Variants in ANKRD61 observed in about 807,000 individuals in gnomAD.
ANKRD61 encodes the protein ankyrin repeat domain-containing protein 61.
In ANKRD61, 7 loss-of-function variants were observed where a neutral mutation model predicts 8.4. The ratio of observed to expected loss-of-function variants is 0.84; its 90% CI spans 0.48 to 1.57. The LOEUF (loss-of-function observed/expected upper bound fraction) is 1.57, where lower values mean the gene tolerates loss of function less well. Among genes scored for constraint, ANKRD61 ranks in the 40% most tolerant of loss-of-function variants. ANKRD61 has a pLI of 0.00. For synonymous variants in ANKRD61, 198 were observed against 208.0 expected (o/e 0.95, Z 0.41); for missense variants, 516 against 523.4 (o/e 0.99, Z 0.14).
chr7:6,032,590 T>C lies in ANKRD61; in HGVS notation c.217-249T>C, dbSNP rs1017332729. Among the ~76,000 whole-genome samples the C allele has an allele frequency of 3.3e-5, 5 of 152,238 alleles. No homozygotes were observed. The highest frequency in any genetic ancestry group is 4.4e-5 in the Non-Finnish European group (3 of 68,046). ...CAACTTTCAAAAATTTCCAAAGCTT[T>C]TGAGTGTTATTTCTGTTGCCTCAGT... On this transcript the variant is annotated intron_variant, in intron 1 of 2. Coordinates refer to ENST00000409061, the MANE Select transcript of ANKRD61 (RefSeq NM_001271700.2). The surrounding 1 kb of genome is among the most constrained non-coding windows in gnomAD (Gnocchi z 4.3).
rs1788093540 is a variant in ANKRD61, at chr7:6,036,341, A to G, written c.1212A>G (p.Ile404Met). 1 of 1,534,458 alleles carries G rather than the reference A, an allele frequency of 6.5e-7. No individual in the cohort carries two copies. The highest frequency in any genetic ancestry group is 8.8e-7 in the Non-Finnish European group (1 of 1,141,316). The part of the protein sequence containing the change: ...QHLKQFLPVT[I>M]WNSVYCCYDL... ...TGAAGCAATTCCTCCCAGTGACAATATGGAATTCTGTCTACTGCTGTTATG... is the reference window on the plus strand; with the variant it reads ...TGAAGCAATTCCTCCCAGTGACAATGTGGAATTCTGTCTACTGCTGTTATG... The change falls in exon 3 of 3, where the codon ATA becomes ATG. Residue 404 changes from isoleucine (I) to methionine (M), a missense_variant. By Grantham distance (10) the Ile-to-Met change is conservative (BLOSUM62 1). Coordinates refer to ENST00000409061, the MANE Select transcript of ANKRD61 (RefSeq NM_001271700.2). This position sits in a 1 kb window ranked among gnomAD's most constrained non-coding sequence, Gnocchi z 4.6.
chr7:6,031,634 C>T, intron 1 of ANKRD61, 43 bp downstream of exon 1: 1 of 1,540,028 alleles, frequency 6.5e-7, no homozygotes, highest in Non-Finnish European at 8.8e-7. Context: ...AAAAGTCAGG[C>T]TGCTTAGAAA....
At position 6,032,796 on chromosome 7, in the gene ANKRD61, C is replaced by T. The variant is rs1787954182; in HGVS notation, c.217-43C>T. 1.4e-6 allele frequency: 2 copies of T among 1,478,690 alleles called. No homozygotes were observed. Among genetic ancestry groups the T allele is most frequent in the African/African-American group, 1.4e-5 (1 of 71,174 alleles). The allele number at this position is 1,478,690 out of a possible 1,614,324, so 91.6% of individuals were successfully genotyped here. A position where few individuals can be genotyped will look rare whatever the true frequency, so the allele number is the denominator to read the frequency against. On this transcript the variant is annotated intron_variant, in intron 1 of 2. Transcript: ENST00000409061. The surrounding 1 kb of genome is among the most constrained non-coding windows in gnomAD (Gnocchi z 4.3). ...AAGCTAACACAAACAGTATTTTTAA[C>T]TACACAGGGCCACTTGTAATGTGTT...
chr7:6,035,767 A>G lies in ANKRD61; in HGVS notation c.638A>G (p.Asn213Ser). 6.4e-7 allele frequency: 1 copy of G among 1,551,180 alleles called. No individual in the cohort carries two copies. The highest frequency in any genetic ancestry group is 8.7e-7 in the Non-Finnish European group (1 of 1,147,132). Reference sequence around the variant, plus strand: ...CTTCACATGGCCGCAAACATGCTGAATAAGGAGATGATGGAAACGCTCATT... The same window carrying G: ...CTTCACATGGCCGCAAACATGCTGAGTAAGGAGATGATGGAAACGCTCATT... Reference protein sequence around the residue: ...TPLHMAANMLNKEMMETLIAY... With the variant: ...TPLHMAANMLSKEMMETLIAY... Residue 213 changes from asparagine (N) to serine (S), a missense_variant, in exon 3 of 3, where the codon AAT becomes AGT. Physicochemically the swap from Asn to Ser is conservative, Grantham distance 46 (BLOSUM62 1). Coordinates refer to ENST00000409061, the MANE Select transcript of ANKRD61 (RefSeq NM_001271700.2). The surrounding 1 kb of genome is among the most constrained non-coding windows in gnomAD (Gnocchi z 5.5).
At position 6,033,906 on chromosome 7, in the gene ANKRD61, G is replaced by C. The variant is rs1787987921; in HGVS notation, c.314+970G>C. Among the ~76,000 whole-genome samples, 1 of 152,092 alleles carries C rather than the reference G, an allele frequency of 6.6e-6. No individual in the cohort carries two copies. The highest frequency in any genetic ancestry group is 2.4e-5 in the African/African-American group (1 of 41,420). ...TCTTGTTTATTACTCTCCACTAGAA[G>C]GTAAGCCGCATGAAAGAGAAGTTGA... On this transcript the variant is annotated intron_variant, in intron 2 of 2. Transcript: ENST00000409061. This position sits in a 1 kb window ranked among gnomAD's most constrained non-coding sequence, Gnocchi z 4.4.
chr7:6,035,909 C>T lies in ANKRD61; in HGVS notation c.780C>T (p.Cys260=). Residue 260 remains cysteine (C), a synonymous_variant, in exon 3 of 3, where the codon TGC becomes TGT. Coordinates refer to ENST00000409061, the MANE Select transcript of ANKRD61 (RefSeq NM_001271700.2). This position sits in a 1 kb window ranked among gnomAD's most constrained non-coding sequence, Gnocchi z 5.5. ...AGRLLGAGVS[C]IRLLLTHGAK... is the part of the protein sequence containing the mutation. Reference sequence around the variant, plus strand: ...GACTCCTCGGGGCGGGGGTCAGCTGCATCCGTCTGCTACTCACTCACGGAG... The same window carrying T: ...GACTCCTCGGGGCGGGGGTCAGCTGTATCCGTCTGCTACTCACTCACGGAG... The T allele has an allele frequency of 6.5e-7, 1 of 1,546,704 alleles. No individual in the cohort carries two copies. The highest frequency in any genetic ancestry group is 8.7e-7 in the Non-Finnish European group (1 of 1,144,526).
intron 1 of ANKRD61, 27 bp downstream of exon 1, chr7:6,031,618 C>A: frequency 6.5e-7 from 1 of 1,548,528 alleles, no homozygotes. Context: ...TCAGTCACTT[C>A]TGGAAAAAAG....
Position 6,032,349 on chromosome 7 carries a change from T to C in ANKRD61, c.217-490T>C, listed in dbSNP as rs1787938419. ...TGTGAAACCACTACTTACACGTGTG[T>C]ATTTTAAGAGCTGGCACAAACAGCT... On this transcript the variant is annotated intron_variant, in intron 1 of 2. Coordinates refer to ENST00000409061, the MANE Select transcript of ANKRD61 (RefSeq NM_001271700.2). The surrounding 1 kb of genome is among the most constrained non-coding windows in gnomAD (Gnocchi z 4.3). Among the ~76,000 whole-genome samples the C allele has an allele frequency of 6.6e-6, 1 of 152,234 alleles. No homozygotes were observed. The highest frequency in any genetic ancestry group is 6.5e-5 in the Admixed American group (1 of 15,284).
Position 6,033,328 on chromosome 7 carries a change from T to C in ANKRD61, c.314+392T>C, listed in dbSNP as rs561283568. 3.9e-5 allele frequency among the ~76,000 whole-genome samples: 6 copies of C among 152,206 alleles called. No homozygotes were observed. Among genetic ancestry groups the C allele is most frequent in the Non-Finnish European group, 8.8e-5 (6 of 68,040 alleles). ...TGATATAGATTTTTTTTTCAGTTCATACATTTTTTCCACTTATGTTTGGAC... is the reference window on the plus strand; with the variant it reads ...TGATATAGATTTTTTTTTCAGTTCACACATTTTTTCCACTTATGTTTGGAC... On this transcript the variant is annotated intron_variant, in intron 2 of 2. Transcript: ENST00000409061. This position sits in a 1 kb window ranked among gnomAD's most constrained non-coding sequence, Gnocchi z 4.4.
At position 6,031,577 on chromosome 7, in the gene ANKRD61, T is replaced by G. The variant is rs775394724; in HGVS notation, c.202T>G (p.Leu68Val). Reference sequence around the variant, plus strand: ...TCTGCCCAACTCCGCCAGCAACAGATTACTTCTGACCCAGGTACCCTCTTT... The same window carrying G: ...TCTGCCCAACTCCGCCAGCAACAGAGTACTTCTGACCCAGGTACCCTCTTT... ...TILPNSASNR[L>V]LLTQPTESII... Residue 68 changes from leucine (L) to valine (V), a missense_variant, in exon 1 of 3, where the codon TTA becomes GTA. Physicochemically the swap from Leu to Val is conservative, Grantham distance 32 (BLOSUM62 1). Coordinates refer to ENST00000409061, the MANE Select transcript of ANKRD61 (RefSeq NM_001271700.2). 1.9e-6 allele frequency: 3 copies of G among 1,550,604 alleles called. No individual in the cohort carries two copies. The highest frequency in any genetic ancestry group is 2.6e-6 in the Non-Finnish European group (3 of 1,146,990).
rs893931715 is a variant in ANKRD61 at position 6,032,463 on chromosome 7, G to A, written c.217-376G>A. 7.2e-5 allele frequency among the ~76,000 whole-genome samples: 11 copies of A among 152,180 alleles called. No homozygotes were observed. Among genetic ancestry groups the A allele is most frequent in the African/African-American group, 2.7e-4 (11 of 41,448 alleles). ...CTGCTGATAATACGACTTTGGCAAC[G>A]ACACAGCACCTACTTGTCCATCACC... On this transcript the variant is annotated intron_variant, in intron 1 of 2. Coordinates refer to ENST00000409061, the MANE Select transcript of ANKRD61 (RefSeq NM_001271700.2). This position sits in a 1 kb window ranked among gnomAD's most constrained non-coding sequence, Gnocchi z 4.3.
At chr7:6,034,409 C>A (rs1026849398) in intron 2 of ANKRD61, among the ~76,000 whole-genome samples, 1 of 152,106 alleles carries the variant, frequency 6.6e-6, no homozygotes, top group African/African-American at 2.4e-5. Context: ...AGCACCCCAC[C>A]CCAGCTCTGC....
Position 6,036,111 on chromosome 7 carries a change from A to G in ANKRD61, c.982A>G (p.Thr328Ala). The change falls in exon 3 of 3, where the codon ACG (threonine) becomes GCG (alanine). Residue 328 changes from threonine (T) to alanine (A), a missense_variant. Transcript: ENST00000409061. The surrounding 1 kb of genome is among the most constrained non-coding windows in gnomAD (Gnocchi z 4.6). ...YLQRSCNVRD[T>A]ALLARLLYHT... The stretch of plus-strand genomic sequence containing the variant: ...TCAGCGCAGTTGCAATGTAAGAGAT[A>G]CGGCACTTCTGGCCAGGCTACTTTA... 1.3e-6 allele frequency: 2 copies of G among 1,550,896 alleles called. No individual in the cohort carries two copies. Among genetic ancestry groups the G allele is most frequent in the Non-Finnish European group, 8.7e-7 (1 of 1,147,074 alleles).
rs80078608 is a variant in ANKRD61, at chr7:6,034,735, A to C, written c.315-709A>C. Among the ~76,000 whole-genome samples, 176 of 152,296 alleles carry C rather than the reference A, an allele frequency of 1.2e-3. 1 individual carries two copies. Among genetic ancestry groups the C allele is most frequent in the Non-Finnish European group, 2.4e-3 (165 of 68,026 alleles). On this transcript the variant is annotated intron_variant, in intron 2 of 2. Coordinates refer to ENST00000409061, the MANE Select transcript of ANKRD61 (RefSeq NM_001271700.2). ...GCAGAGCAGTTAGATTTACATAATAAACCTTCCTTTTGCTCTGCCAAAACA... is the reference window on the plus strand; with the variant it reads ...GCAGAGCAGTTAGATTTACATAATACACCTTCCTTTTGCTCTGCCAAAACA...
chr7:6,035,450 G>A lies in ANKRD61; in HGVS notation c.321G>A (p.Thr107=), dbSNP rs948767462. The part of the protein sequence containing the change: ...RHGADPEVRD[T]TGLTTLNLML... ...TAATCAATACCCATTCTAGGGACAC[G>A]ACAGGCCTCACCACACTCAACTTAA... The change falls in exon 3 of 3, where the codon ACG becomes ACA. Residue 107 remains threonine, a synonymous_variant. Coordinates refer to ENST00000409061, the MANE Select transcript of ANKRD61 (RefSeq NM_001271700.2). The surrounding 1 kb of genome is among the most constrained non-coding windows in gnomAD (Gnocchi z 5.5). The A allele has an allele frequency of 9.7e-6, 15 of 1,549,858 alleles. No homozygotes were observed. In the African/African-American group the frequency reaches 1.1e-4, roughly 11 times the overall value.
rs1787971996 is a variant in ANKRD61 at position 6,033,337 on chromosome 7, T to TC, written c.314+403dup. Among the ~76,000 whole-genome samples, 1 of 152,192 alleles carries TC rather than the reference T, an allele frequency of 6.6e-6. No homozygotes were observed. The highest frequency in any genetic ancestry group is 6.5e-5 in the Admixed American group (1 of 15,278). ...TTTTTTTTTCAGTTCATACATTTTTTCCACTTATGTTTGGACTTGTTCGTT... is the reference window on the plus strand; with the variant it reads ...TTTTTTTTTCAGTTCATACATTTTTTCCCACTTATGTTTGGACTTGTTCGTT... On this transcript the variant is annotated intron_variant, in intron 2 of 2. Transcript: ENST00000409061. The surrounding 1 kb of genome is among the most constrained non-coding windows in gnomAD (Gnocchi z 4.4).
At position 6,035,596 on chromosome 7, in the gene ANKRD61, G is replaced by A; in HGVS notation, c.467G>A (p.Gly156Glu). The change falls in exon 3 of 3, where the codon GGA becomes GAA. Residue 156 changes from glycine to glutamate, a missense_variant. Gly to Glu is a moderately conservative substitution (Grantham distance 98, BLOSUM62 -2). Transcript: ENST00000409061. The surrounding 1 kb of genome is among the most constrained non-coding windows in gnomAD (Gnocchi z 5.5). ...TGTCTCCGCATCTTGTGTGCGCACGGAGCTCAAGTGAACACTCAAGGGGAA... is the reference window on the plus strand; with the variant it reads ...TGTCTCCGCATCTTGTGTGCGCACGAAGCTCAAGTGAACACTCAAGGGGAA... Reference protein sequence around the residue: ...ITCLRILCAHGAQVNTQGEIS... With the variant: ...ITCLRILCAHEAQVNTQGEIS... 6.4e-7 allele frequency: 1 copy of A among 1,551,016 alleles called. No homozygotes were observed. Among genetic ancestry groups the A allele is most frequent in the African/African-American group, 1.4e-5 (1 of 73,114 alleles).
At position 6,032,450 on chromosome 7, in the gene ANKRD61, C is replaced by T. The variant is rs1360051747; in HGVS notation, c.217-389C>T. On this transcript the variant is annotated intron_variant, in intron 1 of 2. Coordinates refer to ENST00000409061, the MANE Select transcript of ANKRD61 (RefSeq NM_001271700.2). This position sits in a 1 kb window ranked among gnomAD's most constrained non-coding sequence, Gnocchi z 4.3. Reference sequence around the variant, plus strand: ...GATTCAGGTTTTACTGCTGATAATACGACTTTGGCAACGACACAGCACCTA... The same window carrying T: ...GATTCAGGTTTTACTGCTGATAATATGACTTTGGCAACGACACAGCACCTA... Among the ~76,000 whole-genome samples, 1 of 152,302 alleles carries T rather than the reference C, an allele frequency of 6.6e-6. No individual in the cohort carries two copies. The highest frequency in any genetic ancestry group is 1.9e-4 in the East Asian group (1 of 5,184).
rs1445847598 is a variant in ANKRD61 at position 6,035,664 on chromosome 7, G to C, written c.535G>C (p.Gly179Arg). Reference protein sequence around the residue: ...RSPLHLAIAYGCYPVLSILTQ... With the variant: ...RSPLHLAIAYRCYPVLSILTQ... ...ACCACTCCACCTGGCCATAGCATAT[G>C]GTTGCTATCCAGTTCTCTCCATTTT... The change falls in exon 3 of 3, where the codon GGT (glycine) becomes CGT (arginine). Residue 179 changes from glycine to arginine, a missense_variant. Coordinates refer to ENST00000409061, the MANE Select transcript of ANKRD61 (RefSeq NM_001271700.2). The surrounding 1 kb of genome is among the most constrained non-coding windows in gnomAD (Gnocchi z 5.5). 6.4e-7 allele frequency: 1 copy of C among 1,550,638 alleles called. No homozygotes were observed. Among genetic ancestry groups the C allele is most frequent in the Admixed American group, 2.0e-5 (1 of 50,990 alleles).
Sources: gnomAD v4.1 joint callset for allele counts (sites outside exome capture counted in the v4.1 genomes callset) on GRCh38, gnomAD v4.1.1 for gene constraint, Gnocchi (gnomAD v3.1) non-coding constraint, MANE v1.5 for transcripts, NCBI Gene and HGNC (gene_info 2026-07-23, HGNC 2026-07-21) for gene names.